Variants in ITGBL1 observed in about 807,000 individuals in gnomAD.
The protein encoded by ITGBL1 is integrin subunit beta like 1.
ITGBL1 carries 51 observed loss-of-function variants against 68.5 expected under a neutral mutation model. The observed-to-expected ratio is 0.74, with a 90% CI of 0.59 to 0.94. The LOEUF is 0.94. Among genes scored for constraint, ITGBL1 ranks in the 40% least tolerant of loss-of-function variants. ITGBL1 has a pLI of 0.00. For synonymous variants in ITGBL1, 209 were observed against 227.3 expected, an observed-to-expected ratio of 0.92 and a Z score of 0.72; for missense variants, 649 against 647.4, an observed-to-expected ratio of 1.00 and a Z score of -0.03.
chr13:101,630,557 C>T (rs554450960), intron 7 of ITGBL1, among the ~76,000 whole-genome samples: 1 of 152,298 alleles, frequency 6.6e-6, no homozygotes, highest in East Asian at 1.9e-4. Flanking sequence ...TTCAACGTCA[C>T]ATCTGGTACT....
intron 2 of ITGBL1, among the ~76,000 whole-genome samples, chr13:101,463,331 G>A (rs1395262870): frequency 6.6e-6 from 1 of 152,012 alleles, no homozygotes; most frequent in Admixed American, 6.5e-5. Context: ...GGCTGGGTGT[G>A]CCCTCAGCCC....
At position 101,608,360 on chromosome 13, in the gene ITGBL1, A is replaced by G. The variant is rs187477710; in HGVS notation, c.1015+10061A>G. ...TTTTTCAGAGAAGTTTTCATGATACATGCTTTCTTTCCTTTTTTTTTTTCT... is the reference window on the plus strand; with the variant it reads ...TTTTTCAGAGAAGTTTTCATGATACGTGCTTTCTTTCCTTTTTTTTTTTCT... On this transcript the variant is annotated intron_variant, in intron 7 of 10. Transcript: ENST00000376180. 8.1e-3 allele frequency among the ~76,000 whole-genome samples: 1,207 copies of G among 149,566 alleles called. 16 individuals are homozygous for G. The highest frequency in any genetic ancestry group is 0.029 in the African/African-American group (1,169 of 40,914).
At chr13:101,549,909 A>T (rs2049893359) in intron 2 of ITGBL1, among the ~76,000 whole-genome samples, 1 of 152,178 alleles carries the variant, frequency 6.6e-6, no homozygotes, top group Non-Finnish European at 1.5e-5. Flanking sequence ...TAAATTCAAC[A>T]TATAATAATT....
intron 2 of ITGBL1, among the ~76,000 whole-genome samples, chr13:101,458,832 G>A (rs2048280427): frequency 6.6e-6 from 1 of 152,130 alleles, no homozygotes; most frequent in African/African-American, 2.4e-5. Context: ...CTGCCAATGA[G>A]GAGCCCACAG....
intron 7 of ITGBL1, among the ~76,000 whole-genome samples, chr13:101,600,683 G>C (rs1461782596): frequency 1.1e-4 from 16 of 151,924 alleles, no homozygotes; most frequent in Admixed American, 7.9e-4. Flanking sequence ...TTTTCTGCAT[G>C]TATTGAGATA....
intron 7 of ITGBL1, among the ~76,000 whole-genome samples, chr13:101,605,726 A>G (rs933384288): frequency 6.6e-5 from 10 of 151,524 alleles, no homozygotes; most frequent in African/African-American, 1.9e-4. Flanking sequence ...ATATGCGTGT[A>G]CACGTATGTA....
intron 3 of ITGBL1, among the ~76,000 whole-genome samples, chr13:101,572,603 C>T (rs947852147): frequency 2.6e-5 from 4 of 152,084 alleles, no homozygotes; most frequent in Non-Finnish European, 1.5e-5. Flanking sequence ...ATAGCATGAG[C>T]ACAGGAGTCT....
At chr13:101,630,949 G>A (rs2031958696) in intron 7 of ITGBL1, among the ~76,000 whole-genome samples, 1 of 152,128 alleles carries the variant, frequency 6.6e-6, no homozygotes, top group Admixed American at 6.6e-5. Context: ...TGAAGCATGT[G>A]TTCTGAATTC....
rs565760695 is a variant in ITGBL1, at chr13:101,605,597, CGT to C, written c.1015+7303_1015+7304del. On this transcript the variant is annotated intron_variant, in intron 7 of 10. Transcript: ENST00000376180. ...ATATATACACGTATTTAGACACGTA[CGT>C]GTGTATATGCGTATATATATACACG... Among the ~76,000 whole-genome samples the C allele has an allele frequency of 1.7e-4, 25 of 149,656 alleles. No individual in the cohort carries two copies. The South Asian group carries it at 5.3e-3, about 32-fold the overall frequency.
At chr13:101,462,717 G>A (rs1316817717) in intron 2 of ITGBL1, among the ~76,000 whole-genome samples, 2 of 152,028 alleles carry the variant, frequency 1.3e-5, no homozygotes, top group Non-Finnish European at 2.9e-5. Context: ...TGAGTAGCTG[G>A]GACTGTAGGC....
chr13:101,696,125 A>G (rs1200734362), intron 8 of ITGBL1, among the ~76,000 whole-genome samples: 2 of 152,088 alleles, frequency 1.3e-5, no homozygotes, highest in South Asian at 2.1e-4. Flanking sequence ...ATAGTCCCCA[A>G]TTATATGAGT....
intron 8 of ITGBL1, among the ~76,000 whole-genome samples, chr13:101,704,845 T>G (rs1236496363): frequency 2.0e-5 from 3 of 150,114 alleles, no homozygotes; most frequent in African/African-American, 7.6e-5. Flanking sequence ...GGGTTTTTTG[T>G]TTGTTTCTTT....
intron 7 of ITGBL1, among the ~76,000 whole-genome samples, chr13:101,623,490 A>G (rs567685506): frequency 3.8e-4 from 58 of 152,196 alleles, no homozygotes; most frequent in Admixed American, 5.9e-4. Flanking sequence ...TTACACATGG[A>G]GAAGCATTAT....
chr13:101,538,994 AC>A (rs2139179152), intron 2 of ITGBL1, among the ~76,000 whole-genome samples: 1 of 150,074 alleles, frequency 6.7e-6, no homozygotes, highest in African/African-American at 2.4e-5. Context: ...GTGGAGCTTT[AC>A]CATCAGTGGT....
intron 2 of ITGBL1, among the ~76,000 whole-genome samples, chr13:101,549,711 T>A (rs1480504112): frequency 1.3e-5 from 2 of 152,036 alleles, no homozygotes; most frequent in Non-Finnish European, 2.9e-5. Context: ...AGTTGACACA[T>A]GTCAGTGAAA....
At chr13:101,542,065 C>T (rs1482512703) in intron 2 of ITGBL1, among the ~76,000 whole-genome samples, 1 of 152,160 alleles carries the variant, frequency 6.6e-6, no homozygotes, top group African/African-American at 2.4e-5. Flanking sequence ...TTCAGTTCTG[C>T]TCTGATCTTA....
chr13:101,682,421 A>C (rs1013266891), intron 7 of ITGBL1, among the ~76,000 whole-genome samples: 30 of 152,104 alleles, frequency 2.0e-4, no homozygotes, highest in Admixed American at 7.9e-4. Context: ...TTCCAAAAAA[A>C]CTGTGAATGA....
Position 101,624,390 on chromosome 13 carries a change from C to T in ITGBL1, c.1015+26091C>T, listed in dbSNP as rs190638647. On this transcript the variant is annotated intron_variant, in intron 7 of 10. Transcript: ENST00000376180. ...CAATAACTACACTTCCTTTTATTTT[C>T]CCTGCTCTGAGCCTTGAAGTGTTCA... Among the ~76,000 whole-genome samples, 507 of 152,238 alleles carry T rather than the reference C, an allele frequency of 3.3e-3. 1 individual carries two copies. Among genetic ancestry groups the T allele is most frequent in the Middle Eastern group, 6.8e-3 (2 of 294 alleles).
At chr13:101,556,128 C>T (rs2050001445) in intron 2 of ITGBL1, among the ~76,000 whole-genome samples, 1 of 152,126 alleles carries the variant, frequency 6.6e-6, no homozygotes, top group African/African-American at 2.4e-5. Context: ...GAGGGGCTAT[C>T]ATTAGCTCCT....
Sources: gnomAD v4.1 joint callset for allele counts (sites outside exome capture counted in the v4.1 genomes callset) on GRCh38, gnomAD v4.1.1 for gene constraint, MANE v1.5 for transcripts, NCBI Gene and HGNC (gene_info 2026-07-23, HGNC 2026-07-21) for gene names.